Variants in ZSCAN23 observed in about 807,000 individuals in gnomAD.
The protein encoded by ZSCAN23 is zinc finger and SCAN domain containing 23, also known as zinc finger and SCAN domain-containing protein 23.
Under a neutral mutation model 19.3 loss-of-function variants are expected in ZSCAN23, and 19 were observed. The ratio of observed to expected loss-of-function variants is 0.99; its 90% CI spans 0.69 to 1.45. ZSCAN23 has a LOEUF of 1.45. ZSCAN23 is among the 40% of genes most tolerant of loss of function. The pLI is 0.00. For missense variants in ZSCAN23, 372 were observed against 462.5 expected (o/e 0.80, Z 1.79); for synonymous variants, 140 against 166.2 (o/e 0.84, Z 1.21).
At chr6:28,423,978 T>G in the ZSCAN23 span, among the ~76,000 whole-genome samples, 1 of 152,194 alleles carries the variant, frequency 6.6e-6, no homozygotes, top group Non-Finnish European at 1.5e-5. Flanking sequence ...AGCTTTTAGA[T>G]CTAGAAAATT....
chr6:28,437,111 A>C (rs887318412), intron 1 of ZSCAN23, among the ~76,000 whole-genome samples: 1 of 152,244 alleles, frequency 6.6e-6, no homozygotes, highest in Non-Finnish European at 1.5e-5. Flanking sequence ...TGTATGATTA[A>C]ATGAATATCC....
rs781507382 is a variant in ZSCAN23 at position 28,434,601 on chromosome 6, C to T, written c.1034G>A (p.Arg345His). Reference sequence around the variant, plus strand: ...TCTCTGATGCTTAATGAGGACTGAACGTCGACTAAAACTCTTATTGCACTG... The same window carrying T: ...TCTCTGATGCTTAATGAGGACTGAATGTCGACTAAAACTCTTATTGCACTG... ...CNQCNKSFSR[R>H]SVLIKHQRIH... Residue 345 changes from arginine to histidine, a missense_variant, in exon 4 of 4, where the codon CGT becomes CAT. Physicochemically the swap from Arg to His is conservative, Grantham distance 29. Transcript: ENST00000289788. The T allele has an allele frequency of 8.4e-6, 13 of 1,555,446 alleles. No homozygotes were observed. Among genetic ancestry groups the T allele is most frequent in the African/African-American group, 8.2e-5 (6 of 73,094 alleles).
At chr6:28,422,955 G>A in the ZSCAN23 span, among the ~76,000 whole-genome samples, 2 of 152,166 alleles carry the variant, frequency 1.3e-5, no homozygotes, top group East Asian at 1.9e-4. The surrounding 1 kb of genome is among the most constrained non-coding windows in gnomAD (Gnocchi z 4.0). Context: ...AACATTCAGA[G>A]CTGAGTTGAC....
chr6:28,436,183 A>G lies in ZSCAN23; in HGVS notation c.84T>C (p.His28=). ...AVKVKEEEEE[H]SCGPESGLSR... is the part of the protein sequence containing the mutation. Reference sequence around the variant, plus strand: ...ACAGGCCTGATTCTGGCCCACAGGAATGTTCCTCCTCTTCCTCCTTTACCT... The same window carrying G: ...ACAGGCCTGATTCTGGCCCACAGGAGTGTTCCTCCTCTTCCTCCTTTACCT... The change falls in exon 2 of 4, where the codon CAT becomes CAC. Residue 28 remains histidine (H), a synonymous_variant. Transcript: ENST00000289788. The G allele has an allele frequency of 6.4e-7, 1 of 1,558,598 alleles. No individual in the cohort carries two copies. The highest frequency in any genetic ancestry group is 8.7e-7 in the Non-Finnish European group (1 of 1,150,706).
At chr6:28,422,602 A>G in the ZSCAN23 span, among the ~76,000 whole-genome samples, 1 of 152,210 alleles carries the variant, frequency 6.6e-6, no homozygotes, top group Non-Finnish European at 1.5e-5. This position sits in a 1 kb window ranked among gnomAD's most constrained non-coding sequence, Gnocchi z 4.0. Flanking sequence ...TTCAATATAG[A>G]AAAACATTCT....
intron 1 of ZSCAN23, among the ~76,000 whole-genome samples, chr6:28,438,123 G>C (rs567195055): frequency 3.3e-5 from 5 of 150,672 alleles, no homozygotes; most frequent in Admixed American, 3.3e-4. Flanking sequence ...TTGAGAAGGA[G>C]TCTTGCTCTG....
At chr6:28,438,641 A>T (rs1761940166) in intron 1 of ZSCAN23, among the ~76,000 whole-genome samples, 2 of 152,168 alleles carry the variant, frequency 1.3e-5, no homozygotes, top group South Asian at 4.1e-4. Flanking sequence ...AGAAGTGCCG[A>T]GCAAAAGGGG....
rs1485866282 is a variant in ZSCAN23 at position 28,433,129 on chromosome 6, T to C, written c.*1336A>G. 2 of 152,142 alleles carry C rather than the reference T, an allele frequency of 1.3e-5. No individual in the cohort carries two copies. Among genetic ancestry groups the C allele is most frequent in the Non-Finnish European group, 2.9e-5 (2 of 67,996 alleles). 9.4% of individuals were successfully genotyped at this position (152,142 alleles called of 1,614,324 possible). A position where few individuals can be genotyped will look rare whatever the true frequency, so the allele number is the denominator to read the frequency against. On this transcript the variant is annotated 3_prime_UTR_variant, in exon 4 of 4. Transcript: ENST00000289788. ...TTCCTGGACTCCACTGTAAATTAAA[T>C]AGAGGAGTTGTGCTTTATTGAAACA... is the stretch of plus-strand genomic sequence containing the variant.
At position 28,433,747 on chromosome 6, in the gene ZSCAN23, T is replaced by C. The variant is rs1761441030; in HGVS notation, c.*718A>G. 6.6e-6 allele frequency: 1 copy of C among 152,114 alleles called. No homozygotes were observed. The highest frequency in any genetic ancestry group is 1.5e-5 in the Non-Finnish European group (1 of 68,016). The allele number at this position is 152,114 out of a possible 1,614,324, so 9.4% of individuals were successfully genotyped here. A position where few individuals can be genotyped will look rare whatever the true frequency, so the allele number is the denominator to read the frequency against. On this transcript the variant is annotated 3_prime_UTR_variant, in exon 4 of 4. Transcript: ENST00000289788. Reference sequence around the variant, plus strand: ...AAAACAAAAAAATGCTCATTATATGTTACGGGAAAAATACAAAGAGGCCTG... The same window carrying C: ...AAAACAAAAAAATGCTCATTATATGCTACGGGAAAAATACAAAGAGGCCTG...
the ZSCAN23 span, among the ~76,000 whole-genome samples, chr6:28,425,590 T>A: frequency 6.6e-6 from 1 of 152,164 alleles, no homozygotes; most frequent in Non-Finnish European, 1.5e-5. Flanking sequence ...GGCCTCTCAA[T>A]GTGCTAGGAT....
downstream of ZSCAN23, among the ~76,000 whole-genome samples, chr6:28,430,739 T>C (rs1275512970): frequency 6.6e-6 from 1 of 151,732 alleles, no homozygotes; most frequent in Non-Finnish European, 1.5e-5. Flanking sequence ...TAAGGCAGGG[T>C]CAGCTGTCTT....
chr6:28,431,405 T>G (rs1198663802), downstream of ZSCAN23, among the ~76,000 whole-genome samples: 1 of 152,202 alleles, frequency 6.6e-6, no homozygotes, highest in East Asian at 1.9e-4. Flanking sequence ...TCCTTTTCAT[T>G]TTCAAGTGTC....
Position 28,436,093 on chromosome 6 carries a change from C to T in ZSCAN23, c.174G>A (p.Glu58=). The T allele has an allele frequency of 6.2e-7, 1 of 1,613,988 alleles. No homozygotes were observed. Among genetic ancestry groups the T allele is most frequent in the South Asian group, 1.1e-5 (1 of 91,068 alleles). ...GAAGAGCCTCCCGGGGCCCAGGGGACTCCTGATAGCAGAACTGCCTGAAGC... is the reference window on the plus strand; with the variant it reads ...GAAGAGCCTCCCGGGGCCCAGGGGATTCCTGATAGCAGAACTGCCTGAAGC... ...RRRFRQFCYQ[E]SPGPREALQR... Residue 58 remains glutamate, a synonymous_variant, in exon 2 of 4, where the codon GAG becomes GAA. Coordinates refer to ENST00000289788, the MANE Select transcript of ZSCAN23 (RefSeq NM_001012455.2).
intron 1 of ZSCAN23, among the ~76,000 whole-genome samples, chr6:28,443,054 A>G (rs979285986): frequency 6.6e-6 from 1 of 152,238 alleles, no homozygotes; most frequent in African/African-American, 2.4e-5. Context: ...ATAAGTCCAC[A>G]GTAGAGAATA....
intron 1 of ZSCAN23, among the ~76,000 whole-genome samples, chr6:28,441,329 G>C (rs1383728654): frequency 6.6e-6 from 1 of 152,160 alleles, no homozygotes; most frequent in African/African-American, 2.4e-5. Flanking sequence ...AGCTTCTGTT[G>C]TCTGGCTCCA....
chr6:28,435,434 C>A, intron 3 of ZSCAN23, 26 bp downstream of exon 3: 1 of 1,547,946 alleles, frequency 6.5e-7, no homozygotes, highest in Non-Finnish European at 8.7e-7. Flanking sequence ...ATGAGGTAGG[C>A]TGTCTGAGGA....
the ZSCAN23 span, among the ~76,000 whole-genome samples, chr6:28,425,318 T>C: frequency 6.6e-6 from 1 of 152,130 alleles, no homozygotes; most frequent in South Asian, 2.1e-4. Flanking sequence ...TTTAGCATGA[T>C]TCTTTTTGTT....
the ZSCAN23 span, among the ~76,000 whole-genome samples, chr6:28,425,560 C>T: frequency 6.6e-6 from 1 of 152,128 alleles, no homozygotes; most frequent in Non-Finnish European, 1.5e-5. Flanking sequence ...AACTCCTGGG[C>T]TCAGCAATCC....
In ZSCAN23 at chr6:28,434,148, T is replaced by C. The variant is rs1318429318; in HGVS notation, c.*317A>G. 1.4e-5 allele frequency: 3 copies of C among 216,978 alleles called. No homozygotes were observed. The highest frequency in any genetic ancestry group is 2.0e-4 in the East Asian group (2 of 10,234). 13.4% of individuals were successfully genotyped at this position (216,978 alleles called of 1,614,324 possible). A position where few individuals can be genotyped will look rare whatever the true frequency, so the allele number is the denominator to read the frequency against. ...GATTATTTTGTACTCAGCCTACATA[T>C]AACTATTTTAAACTTTTAAAAAAAG... On this transcript the variant is annotated 3_prime_UTR_variant, in exon 4 of 4. Transcript: ENST00000289788.
Sources: gnomAD v4.1 joint callset for allele counts (sites outside exome capture counted in the v4.1 genomes callset) on GRCh38, gnomAD v4.1.1 for gene constraint, Gnocchi (gnomAD v3.1) non-coding constraint, MANE v1.5 for transcripts, NCBI Gene and HGNC (gene_info 2026-07-23, HGNC 2026-07-21) for gene names.